NCKAP5: variants seen among roughly 807,000 people sequenced by gnomAD.
NCKAP5 encodes NCK associated protein 5.
Under a neutral mutation model 167.0 loss-of-function variants are expected in NCKAP5, and 92 were observed. The ratio of observed to expected loss-of-function variants is 0.55; its 90% CI spans 0.47 to 0.66. NCKAP5 has a LOEUF of 0.66. Among genes scored for constraint, NCKAP5 ranks in the 30% least tolerant of loss-of-function variants. The probability of loss-of-function intolerance (pLI) is 0.00; values close to 1 mark genes in which losing one functional copy is unlikely to be tolerated. For missense variants in NCKAP5, 2,378 were observed against 2,315.0 expected (o/e 1.03, Z -0.56); for synonymous variants, 891 against 877.4 (o/e 1.02, Z -0.27).
rs539952082 is a variant in NCKAP5 at position 133,359,499 on chromosome 2, T to A, written c.70-56389A>T. 2.7e-4 allele frequency among the ~76,000 whole-genome samples: 41 copies of A among 152,294 alleles called. 1 individual carries two copies. The highest frequency in any genetic ancestry group is 1.6e-3 in the Admixed American group (25 of 15,298). ...GATTCTCCATACTAATGATCAAGAA[T>A]CCATTTTTTTGCCCATATTTTCTCT... On this transcript the variant is annotated intron_variant, in intron 3 of 19. Transcript: ENST00000409261.
At chr2:132,997,901 C>T (rs2077653524) in intron 6 of NCKAP5, among the ~76,000 whole-genome samples, 1 of 152,066 alleles carries the variant, frequency 6.6e-6, no homozygotes, top group Non-Finnish European at 1.5e-5. Context: ...TAAACAAGCT[C>T]TTGAGTGGTA....
At chr2:133,267,806 T>C (rs1364373027) in intron 4 of NCKAP5, among the ~76,000 whole-genome samples, 1 of 152,238 alleles carries the variant, frequency 6.6e-6, no homozygotes, top group Non-Finnish European at 1.5e-5. Context: ...CTTTGAACTA[T>C]TCCAAAAATT....
intron 7 of NCKAP5, among the ~76,000 whole-genome samples, chr2:132,988,650 G>C (rs774538467): frequency 2.0e-5 from 3 of 152,156 alleles, no homozygotes; most frequent in Non-Finnish European, 4.4e-5. Flanking sequence ...GCCTGCCATA[G>C]GCCCCACCAG....
At chr2:133,609,649 G>A in the NCKAP5 span, among the ~76,000 whole-genome samples, 1 of 152,052 alleles carries the variant, frequency 6.6e-6, no homozygotes. Context: ...AGACAACCAG[G>A]CTTCTAGCTT....
intron 8 of NCKAP5, among the ~76,000 whole-genome samples, chr2:132,920,815 A>G (rs1289012381): frequency 4.1e-5 from 4 of 96,992 alleles, no homozygotes; most frequent in African/African-American, 7.2e-5. Flanking sequence ...ATATATATAT[A>G]TATGGAAGAA....
chr2:133,161,302 T>C (rs1299859600), intron 5 of NCKAP5, among the ~76,000 whole-genome samples: 1 of 152,152 alleles, frequency 6.6e-6, no homozygotes, highest in Admixed American at 6.5e-5. Context: ...CCAAGATGTA[T>C]GACTCATCTT....
intron 6 of NCKAP5, among the ~76,000 whole-genome samples, chr2:133,055,301 T>G (rs1487751616): frequency 1.3e-5 from 2 of 151,782 alleles, no homozygotes; most frequent in African/African-American, 2.4e-5. Context: ...GAGCCAAGAA[T>G]TAGGGTTCCT....
In NCKAP5 at chr2:133,199,582, C is replaced by A. The variant is rs4368385; in HGVS notation, c.207+14134G>T. Among the ~76,000 whole-genome samples, 5 of 151,662 alleles carry A rather than the reference C, an allele frequency of 3.3e-5. No individual in the cohort carries two copies. The East Asian group carries it at 9.7e-4, about 29-fold the overall frequency. ...AACTGACTATTTCAAATGTTAACAA[C>A]AATATCAATCAACCAAATCTCTCAT... is the stretch of plus-strand genomic sequence containing the variant. On this transcript the variant is annotated intron_variant, in intron 5 of 19. Coordinates refer to ENST00000409261, the MANE Select transcript of NCKAP5 (RefSeq NM_207363.3).
intron 3 of NCKAP5, among the ~76,000 whole-genome samples, chr2:133,364,186 G>A (rs1049337860): frequency 6.6e-6 from 1 of 152,150 alleles, no homozygotes; most frequent in Admixed American, 6.5e-5. Context: ...GTAAGTGGCA[G>A]AGCTGGAATT....
At chr2:132,836,720 AAG>A (rs1458437648) in intron 11 of NCKAP5, among the ~76,000 whole-genome samples, 3 of 151,988 alleles carry the variant, frequency 2.0e-5, no homozygotes, top group Non-Finnish European at 4.4e-5. Context: ...CAAGTCCCCA[AAG>A]TCCATTGTAT....
rs1439353920 is a variant in NCKAP5, at chr2:132,672,073, C to T, written c.*1216G>A. 2 of 152,408 alleles carry T rather than the reference C, an allele frequency of 1.3e-5. No individual in the cohort carries two copies. The highest frequency in any genetic ancestry group is 2.9e-5 in the Non-Finnish European group (2 of 67,996). 9.4% of individuals were successfully genotyped at this position (152,408 alleles called of 1,614,324 possible). Reference sequence around the variant, plus strand: ...CACATCTAGAAAAAATACACATAACCTTTAAAATAGAATTTATCCTTACAT... The same window carrying T: ...CACATCTAGAAAAAATACACATAACTTTTAAAATAGAATTTATCCTTACAT... On this transcript the variant is annotated 3_prime_UTR_variant, in exon 20 of 20. Transcript: ENST00000409261.
In NCKAP5 at chr2:132,773,876, T is replaced by A. The variant is rs1042186715; in HGVS notation, c.5068A>T (p.Asn1690Tyr). The A allele has an allele frequency of 6.2e-7, 1 of 1,610,790 alleles. No homozygotes were observed. Among genetic ancestry groups the A allele is most frequent in the Non-Finnish European group, 8.5e-7 (1 of 1,178,984 alleles). Reference sequence around the variant, plus strand: ...GCATCGTCTTCATCCTCTTGCAAGTTTTCATTTGCCTCTTTTACCTGCAGG... The same window carrying A: ...GCATCGTCTTCATCCTCTTGCAAGTATTCATTTGCCTCTTTTACCTGCAGG... ...KDSLVKEANENLQEDEDDAVA... is the reference protein window; with the variant it reads ...KDSLVKEANEYLQEDEDDAVA... The change falls in exon 16 of 20, where the codon AAC (asparagine) becomes TAC (tyrosine). Residue 1690 changes from asparagine (N) to tyrosine (Y), a missense_variant. Coordinates refer to ENST00000409261, the MANE Select transcript of NCKAP5 (RefSeq NM_207363.3).
At chr2:132,770,397 ATATAT>A (rs554637574) in intron 16 of NCKAP5, among the ~76,000 whole-genome samples, 7 of 148,062 alleles carry the variant, frequency 4.7e-5, no homozygotes, top group Admixed American at 2.7e-4. Context: ...TATAAATTGT[ATATAT>A]TATAACATAT....
chr2:132,880,474 A>C (rs988651919), intron 8 of NCKAP5, among the ~76,000 whole-genome samples: 1 of 152,084 alleles, frequency 6.6e-6, no homozygotes, highest in Non-Finnish European at 1.5e-5. Flanking sequence ...TACTAAAAAT[A>C]TAAAAATTAA....
chr2:133,517,380 G>A (rs572272677), intron 3 of NCKAP5, 78 bp downstream of exon 3: 69 of 680,518 alleles, frequency 1.0e-4, no homozygotes, highest in Admixed American at 8.8e-4. Flanking sequence ...AAAGCACAGC[G>A]TTCAGGAAAT....
At chr2:132,985,399 C>G (rs80237575) in intron 7 of NCKAP5, among the ~76,000 whole-genome samples, 1,621 of 152,144 alleles carry the variant, frequency 0.011, 25 homozygotes, top group African/African-American at 0.036. Flanking sequence ...TTTGGATGTA[C>G]GAGACAAATA....
intron 7 of NCKAP5, among the ~76,000 whole-genome samples, chr2:132,967,003 C>T (rs1490506492): frequency 6.6e-6 from 1 of 152,136 alleles, no homozygotes; most frequent in Non-Finnish European, 1.5e-5. Flanking sequence ...CAGCTAGTAA[C>T]GTGAACCTTG....
chr2:132,936,580 C>T (rs281580), intron 8 of NCKAP5, among the ~76,000 whole-genome samples: 126,179 of 152,204 alleles, frequency 0.83, 52,835 homozygotes, highest in African/African-American at 0.95. Flanking sequence ...CTTGGCACTA[C>T]ACAGTTGAAA....
intron 2 of NCKAP5, among the ~76,000 whole-genome samples, chr2:133,522,266 G>T (rs1812081): frequency 0.36 from 54,365 of 151,928 alleles, 10,472 homozygotes; most frequent in East Asian, 0.62. Flanking sequence ...CAGTCTGTGG[G>T]TACCGCCACC....
Sources: gnomAD v4.1 joint callset for allele counts (sites outside exome capture counted in the v4.1 genomes callset) on GRCh38, gnomAD v4.1.1 for gene constraint, MANE v1.5 for transcripts, NCBI Gene and HGNC (gene_info 2026-07-23, HGNC 2026-07-21) for gene names.